ZNF250: variants seen among roughly 807,000 people sequenced by gnomAD.
ZNF250 encodes zinc finger protein (clone 647).
ZNF250 carries 13 observed loss-of-function variants against 37.1 expected under a neutral mutation model. That is an observed-to-expected ratio of 0.35 (90% CI 0.23 to 0.56). The LOEUF (loss-of-function observed/expected upper bound fraction) is 0.56, where lower values mean the gene tolerates loss of function less well. Among genes scored for constraint, ZNF250 ranks in the 20% least tolerant of loss-of-function variants. The pLI is 0.87. For synonymous variants in ZNF250, 251 were observed against 265.6 expected (o/e 0.94, Z 0.54); for missense variants, 474 against 697.9 (o/e 0.68, Z 3.61).
In ZNF250 at chr8:144,889,675, A is replaced by G. The variant is rs370684720; in HGVS notation, c.189T>C (p.Pro63=). 34 of 1,613,806 alleles carry G rather than the reference A, an allele frequency of 2.1e-5. No individual in the cohort carries two copies. The highest frequency in any genetic ancestry group is 2.5e-5 in the Non-Finnish European group (30 of 1,179,882). The change falls in exon 4 of 6, where the codon CCT becomes CCC. Residue 63 remains proline (P), a synonymous_variant. Coordinates refer to ENST00000417550, the MANE Select transcript of ZNF250 (RefSeq NM_001109689.4). ...VVSLGLPGSK[P]DIISQLERGE... Reference sequence around the variant, plus strand: ...CTCGCTCCAGCTGGGAGATTATGTCAGGCTTGGATCCTGGAAGTCCTGCTC... The same window carrying G: ...CTCGCTCCAGCTGGGAGATTATGTCGGGCTTGGATCCTGGAAGTCCTGCTC...
In ZNF250 at chr8:144,890,291, C is replaced by A; in HGVS notation, c.42+17G>T. The A allele has an allele frequency of 1.3e-6, 2 of 1,536,162 alleles. No homozygotes were observed. The highest frequency in any genetic ancestry group is 1.3e-5 in the South Asian group (1 of 79,968). On this transcript the variant is annotated intron_variant, in intron 2 of 5. Transcript: ENST00000417550. This position sits in a 1 kb window ranked among gnomAD's most constrained non-coding sequence, Gnocchi z 5.1. ...GCTCGGGCTGGGGGCACTGCATAAG[C>A]ACTGGGGACAGCTTACCTGGGGTCC...
At chr8:144,884,322 G>A (rs1446386890) in intron 5 of ZNF250, among the ~76,000 whole-genome samples, 2 of 152,204 alleles carry the variant, frequency 1.3e-5, no homozygotes, top group African/African-American at 2.4e-5. Context: ...GACGAGCTCG[G>A]CTCACTGCAA....
At chr8:144,892,141 C>T (rs1832384897) in intron 1 of ZNF250, among the ~76,000 whole-genome samples, 1 of 152,238 alleles carries the variant, frequency 6.6e-6, no homozygotes, top group Non-Finnish European at 1.5e-5. Context: ...TGACTTTCAA[C>T]CCTCCCCCGT....
chr8:144,900,064 T>C (rs1395142934), intron 1 of ZNF250, among the ~76,000 whole-genome samples: 1 of 151,964 alleles, frequency 6.6e-6, no homozygotes, highest in Non-Finnish European at 1.5e-5. Flanking sequence ...TCAACATACA[T>C]GGAAAAAAAT....
rs569031004 is a variant in ZNF250, at chr8:144,878,828, C to T, written c.*2687G>A. The T allele has an allele frequency of 6.6e-6, 1 of 152,170 alleles. No homozygotes were observed. Among genetic ancestry groups the T allele is most frequent in the Non-Finnish European group, 1.5e-5 (1 of 68,034 alleles). 9.4% of individuals were successfully genotyped at this position (152,170 alleles called of 1,614,324 possible). A position where few individuals can be genotyped will look rare whatever the true frequency, so the allele number is the denominator to read the frequency against. On this transcript the variant is annotated 3_prime_UTR_variant, in exon 6 of 6. Coordinates refer to ENST00000417550, the MANE Select transcript of ZNF250 (RefSeq NM_001109689.4). ...ATCTCTAAAGTAATACCTTAGTGAT[C>T]CCATTTCCGTTATTTCAGCTCCTCT...
Position 144,882,498 on chromosome 8 carries a change from T to C in ZNF250, c.685A>G (p.Lys229Glu). The C allele has an allele frequency of 6.2e-7, 1 of 1,614,152 alleles. No homozygotes were observed. Among genetic ancestry groups the C allele is most frequent in the African/African-American group, 1.3e-5 (1 of 75,042 alleles). Residue 229 changes from lysine to glutamate, a missense_variant, in exon 6 of 6, where the codon AAG (lysine) becomes GAG (glutamate). Lys to Glu is a moderately conservative substitution (Grantham distance 56). Transcript: ENST00000417550. The surrounding 1 kb of genome is among the most constrained non-coding windows in gnomAD (Gnocchi z 5.5). ...EKPYVCSVCG[K>E]AFSQSSVLSK... ...AGGACTGAGCTCTGGCTGAAGGCCT[T>C]CCCACATACACTGCACACATAGGGC...
chr8:144,896,189 G>A (rs556046315), intron 1 of ZNF250, among the ~76,000 whole-genome samples: 7 of 151,712 alleles, frequency 4.6e-5, no homozygotes, highest in South Asian at 2.1e-4. Flanking sequence ...GTGAGACCCC[G>A]TCTCTATAAA....
At chr8:144,896,375 A>T (rs879500296) in intron 1 of ZNF250, among the ~76,000 whole-genome samples, 12 of 128,178 alleles carry the variant, frequency 9.4e-5, no homozygotes, top group Non-Finnish European at 1.7e-4. Flanking sequence ...AATAAAAATT[A>T]AAAAAAAATA....
chr8:144,881,642 T>C lies in ZNF250; in HGVS notation c.1541A>G (p.Tyr514Cys). The C allele has an allele frequency of 6.2e-7, 1 of 1,607,926 alleles. No individual in the cohort carries two copies. Among genetic ancestry groups the C allele is most frequent in the Non-Finnish European group, 8.5e-7 (1 of 1,177,542 alleles). Residue 514 changes from tyrosine (Y) to cysteine (C), a missense_variant, in exon 6 of 6, where the codon TAC becomes TGC. Coordinates refer to ENST00000417550, the MANE Select transcript of ZNF250 (RefSeq NM_001109689.4). ...CCGCTGGTGCTGGATGAGCACTGAG[T>C]ACTGGCTGAAGGCCTTCCCGCAGCT... The part of the protein sequence containing the change: ...CNSCGKAFSQ[Y>C]SVLIQHQRIH...
At chr8:144,885,808 C>G (rs912890154) in intron 5 of ZNF250, among the ~76,000 whole-genome samples, 7 of 152,064 alleles carry the variant, frequency 4.6e-5, no homozygotes, top group Non-Finnish European at 1.0e-4. Flanking sequence ...AGTATTACTT[C>G]TATTGTCTGA....
At chr8:144,901,743 C>G (rs936493438), upstream of ZNF250, 1 of 152,856 alleles carries the variant, frequency 6.5e-6, no homozygotes, top group South Asian at 2.1e-4. This position sits in a 1 kb window ranked among gnomAD's most constrained non-coding sequence, Gnocchi z 5.4. Flanking sequence ...CATCGCCGAG[C>G]CTTACCCGCT....
At chr8:144,883,649 A>G (rs1327560936) in intron 5 of ZNF250, among the ~76,000 whole-genome samples, 1 of 151,776 alleles carries the variant, frequency 6.6e-6, no homozygotes, top group Non-Finnish European at 1.5e-5. Flanking sequence ...CATGTGGAAG[A>G]TAATTTCATG....
chr8:144,880,876 T>C lies in ZNF250; in HGVS notation c.*639A>G, dbSNP rs1831421143. 1 of 162,894 alleles carries C rather than the reference T, an allele frequency of 6.1e-6. No homozygotes were observed. Among genetic ancestry groups the C allele is most frequent in the Admixed American group, 5.9e-5 (1 of 16,974 alleles). 10.1% of individuals were successfully genotyped at this position (162,894 alleles called of 1,614,324 possible). A position where few individuals can be genotyped will look rare whatever the true frequency, so the allele number is the denominator to read the frequency against. ...GAGCAAGACTATCTCCACACACACA[T>C]ACAAAAAGTTTTTTAAATTTATGTA... On this transcript the variant is annotated 3_prime_UTR_variant, in exon 6 of 6. Coordinates refer to ENST00000417550, the MANE Select transcript of ZNF250 (RefSeq NM_001109689.4).
Position 144,891,049 on chromosome 8 carries a change from T to C in ZNF250, c.-54-646A>G, listed in dbSNP as rs1189232514. Among the ~76,000 whole-genome samples, 1 of 152,100 alleles carries C rather than the reference T, an allele frequency of 6.6e-6. No individual in the cohort carries two copies. Among genetic ancestry groups the C allele is most frequent in the Non-Finnish European group, 1.5e-5 (1 of 68,008 alleles). On this transcript the variant is annotated intron_variant, in intron 1 of 5. Coordinates refer to ENST00000417550, the MANE Select transcript of ZNF250 (RefSeq NM_001109689.4). The surrounding 1 kb of genome is among the most constrained non-coding windows in gnomAD (Gnocchi z 4.0). The stretch of plus-strand genomic sequence containing the variant: ...GACTTGTCATCAAGTGAGAAGGGGA[T>C]GCTTGGGGTAGTGGGGCTGGTGCTG...
chr8:144,895,735 C>T (rs939759469), intron 1 of ZNF250, among the ~76,000 whole-genome samples: 42 of 152,096 alleles, frequency 2.8e-4, no homozygotes, highest in East Asian at 1.2e-3. Context: ...ATCGGCCAGG[C>T]GCAGTGGCTC....
intron 1 of ZNF250, among the ~76,000 whole-genome samples, chr8:144,893,773 C>T (rs950595216): frequency 1.2e-4 from 18 of 152,128 alleles, no homozygotes; most frequent in African/African-American, 4.3e-4. Flanking sequence ...ACATTCAGGG[C>T]CTCCCTAGCA....
At position 144,890,116 on chromosome 8, in the gene ZNF250, G is replaced by GT. The variant is rs754972649; in HGVS notation, c.43-58dup. 5 of 1,586,194 alleles carry GT rather than the reference G, an allele frequency of 3.2e-6. No individual in the cohort carries two copies. The East Asian group carries it at 9.2e-5, about 29-fold the overall frequency. ...CAAATCCTGATGTCTGTGATGGGGAGTGGGTGCATGTGACATGTGACATGA... is the reference window on the plus strand; with the variant it reads ...CAAATCCTGATGTCTGTGATGGGGAGTTGGGTGCATGTGACATGTGACATGA... On this transcript the variant is annotated intron_variant, in intron 2 of 5. Transcript: ENST00000417550. The surrounding 1 kb of genome is among the most constrained non-coding windows in gnomAD (Gnocchi z 5.1).
upstream of ZNF250, chr8:144,901,802 C>G (rs373138208): frequency 2.3e-4 from 35 of 152,914 alleles, no homozygotes; most frequent in African/African-American, 8.2e-4. This position sits in a 1 kb window ranked among gnomAD's most constrained non-coding sequence, Gnocchi z 5.4. Flanking sequence ...GTGGAGGACA[C>G]CCCTGCCGGC....
In ZNF250 at chr8:144,891,669, A is replaced by G. The variant is rs1034308414; in HGVS notation, c.-54-1266T>C. ...GAGTTCGAGACCAGCCATGACCAACATGGGGAAACCCCGTCTCTACTAAAA... is the reference window on the plus strand; with the variant it reads ...GAGTTCGAGACCAGCCATGACCAACGTGGGGAAACCCCGTCTCTACTAAAA... On this transcript the variant is annotated intron_variant, in intron 1 of 5. Coordinates refer to ENST00000417550, the MANE Select transcript of ZNF250 (RefSeq NM_001109689.4). The surrounding 1 kb of genome is among the most constrained non-coding windows in gnomAD (Gnocchi z 4.0). Among the ~76,000 whole-genome samples, 3 of 152,200 alleles carry G rather than the reference A, an allele frequency of 2.0e-5. No homozygotes were observed. Among genetic ancestry groups the G allele is most frequent in the Non-Finnish European group, 4.4e-5 (3 of 68,038 alleles).
Sources: allele counts gnomAD v4.1 joint callset (sites outside exome capture counted in the v4.1 genomes callset), GRCh38; gene constraint gnomAD v4.1.1; non-coding constraint Gnocchi (gnomAD v3.1); transcripts MANE v1.5; gene names NCBI Gene and HGNC (gene_info 2026-07-23, HGNC 2026-07-21).